Variants in ZNF789 observed in about 807,000 individuals in gnomAD.
ZNF789 encodes the protein zinc finger protein 789.
ZNF789 carries 11 observed loss-of-function variants against 15.6 expected under a neutral mutation model. The ratio of observed to expected loss-of-function variants is 0.70; its 90% CI spans 0.44 to 1.16. The LOEUF is 1.16. Among genes scored for constraint, ZNF789 ranks in the 50% most tolerant of loss-of-function variants. The pLI is 0.00. For synonymous variants in ZNF789, 159 were observed against 176.0 expected (o/e 0.90, Z 0.76); for missense variants, 461 against 512.6 (o/e 0.90, Z 0.97).
Position 99,485,553 on chromosome 7 carries a change from C to T in ZNF789, c.266-923C>T, listed in dbSNP as rs750327926. On this transcript the variant is annotated intron_variant, in intron 4 of 4. Transcript: ENST00000331410. ...AGTTATTAAAAACGTGTATCTAGGC[C>T]GGGTGCCGTGGCTCACACCTGTAAT... Among the ~76,000 whole-genome samples, 33 of 152,142 alleles carry T rather than the reference C, an allele frequency of 2.2e-4. 1 individual carries two copies. The highest frequency in any genetic ancestry group is 2.1e-4 in the South Asian group (1 of 4,834).
Position 99,476,441 on chromosome 7 carries a change from C to A in ZNF789, c.-16C>A. 1.9e-6 allele frequency: 3 copies of A among 1,609,526 alleles called. No individual in the cohort carries two copies. The highest frequency in any genetic ancestry group is 1.7e-6 in the Non-Finnish European group (2 of 1,178,342). On this transcript the variant is annotated 5_prime_UTR_variant, in exon 2 of 5. Transcript: ENST00000331410. ...CCAGGATCCCACCCCTTGCAAAAGA[C>A]CAGGCCGTGGAAGCCATGTTCCCAC...
intron 3 of ZNF789, among the ~76,000 whole-genome samples, chr7:99,483,087 G>A (rs1799733705): frequency 1.4e-5 from 2 of 146,538 alleles, no homozygotes; most frequent in East Asian, 4.3e-4. Context: ...AAAATTAGCT[G>A]GGCGTGGTGG....
intron 4 of ZNF789, among the ~76,000 whole-genome samples, 158 bp downstream of exon 4, chr7:99,484,301 C>T (rs1340001775): frequency 1.3e-5 from 2 of 152,188 alleles, no homozygotes; most frequent in Non-Finnish European, 2.9e-5. Flanking sequence ...GGAAGATCGG[C>T]GTCCCCATTT....
intron 3 of ZNF789, chr7:99,481,637 A>G (rs1799634171): frequency 6.4e-6 from 1 of 156,868 alleles, no homozygotes; most frequent in African/African-American, 2.4e-5. Context: ...TTGTATTTTT[A>G]GTAGAGACGG....
At chr7:99,479,891 C>T (rs766882711) in intron 3 of ZNF789, 104 bp downstream of exon 3, 364 of 1,448,524 alleles carry the variant, frequency 2.5e-4, no homozygotes, top group Non-Finnish European at 3.2e-4. Context: ...CGGTGAAAAC[C>T]GAAAGGTTTT....
chr7:99,482,861 T>TA lies in ZNF789; in HGVS notation c.152-1161dup, dbSNP rs568493893. ...CAAGAGCAAAACTCTGTCTCAAAAA[T>TA]AAAAAAAATTTGGATCATGCTATAT... On this transcript the variant is annotated intron_variant, in intron 3 of 4. Transcript: ENST00000331410. Among the ~76,000 whole-genome samples, 30 of 151,652 alleles carry TA rather than the reference T, an allele frequency of 2.0e-4. 1 individual carries two copies. Among genetic ancestry groups the TA allele is most frequent in the African/African-American group, 7.0e-4 (29 of 41,390 alleles).
chr7:99,481,432 G>A (rs1050576228), intron 3 of ZNF789: 9 of 151,860 alleles, frequency 5.9e-5, no homozygotes, highest in Admixed American at 5.3e-4. Context: ...GTACTGTTTT[G>A]CATATCCAAT....
chr7:99,478,221 A>G (rs370787257), intron 2 of ZNF789: 36 of 1,234,602 alleles, frequency 2.9e-5, no homozygotes, highest in African/African-American at 2.5e-4. Flanking sequence ...CCATGCCACA[A>G]TGACTCTGGG....
intron 2 of ZNF789, among the ~76,000 whole-genome samples, chr7:99,477,981 C>CA (rs1562881922): frequency 6.6e-6 from 1 of 152,008 alleles, no homozygotes; most frequent in African/African-American, 2.4e-5. Context: ...CCCAAACAAA[C>CA]AAAAAATGGA....
chr7:99,473,265 C>T (rs373755257), intron 1 of ZNF789, among the ~76,000 whole-genome samples: 1 of 152,110 alleles, frequency 6.6e-6, no homozygotes, highest in African/African-American at 2.4e-5. Flanking sequence ...AACGCCTGGA[C>T]TTGGTTTTGT....
rs890519751 is a variant in ZNF789 at position 99,482,414 on chromosome 7, G to A, written c.152-1616G>A. The A allele has an allele frequency of 2.0e-5, 12 of 601,670 alleles. No individual in the cohort carries two copies. The African/African-American group carries it at 2.2e-4, about 11-fold the overall frequency. 37.3% of individuals were successfully genotyped at this position (601,670 alleles called of 1,614,324 possible). A position where few individuals can be genotyped will look rare whatever the true frequency, so the allele number is the denominator to read the frequency against. On this transcript the variant is annotated intron_variant, in intron 3 of 4. Transcript: ENST00000331410. ...GTTTTGACTGCCACTGGTCACGTGAGGTCAGGTGTGGAACTCTCCACTTTT... is the reference window on the plus strand; with the variant it reads ...GTTTTGACTGCCACTGGTCACGTGAAGTCAGGTGTGGAACTCTCCACTTTT...
intron 3 of ZNF789, chr7:99,483,789 C>T: frequency 1.3e-6 from 1 of 781,030 alleles, no homozygotes; most frequent in Non-Finnish European, 2.4e-6. Flanking sequence ...GTCTCTGGCA[C>T]ATTCATCTTG....
At chr7:99,474,463 G>A (rs1166738315) in intron 1 of ZNF789, among the ~76,000 whole-genome samples, 5 of 152,150 alleles carry the variant, frequency 3.3e-5, no homozygotes, top group South Asian at 2.1e-4. Context: ...GCGTGGTGGC[G>A]GGCGCCTGTA....
At chr7:99,480,116 A>G in intron 3 of ZNF789, 1 of 327,952 alleles carries the variant, frequency 3.0e-6, no homozygotes, top group Non-Finnish European at 5.5e-6. Context: ...ACATGAGGTC[A>G]GTAGTTTGAG....
intron 4 of ZNF789, among the ~76,000 whole-genome samples, chr7:99,486,110 G>A (rs916203318): frequency 6.6e-6 from 1 of 152,174 alleles, no homozygotes; most frequent in Non-Finnish European, 1.5e-5. Flanking sequence ...CTGAGGTCAG[G>A]GGTTCGAGAC....
chr7:99,473,633 G>A (rs1799141808), intron 1 of ZNF789, among the ~76,000 whole-genome samples: 1 of 152,122 alleles, frequency 6.6e-6, no homozygotes, highest in Non-Finnish European at 1.5e-5. Flanking sequence ...TGTTGCTGTT[G>A]TGTTTGAGAC....
intron 1 of ZNF789, among the ~76,000 whole-genome samples, chr7:99,474,609 A>T (rs974550516): frequency 6.6e-6 from 1 of 151,136 alleles, no homozygotes; most frequent in African/African-American, 2.4e-5. Context: ...AAAAAAAAAG[A>T]AAGTTTACGA....
chr7:99,483,284 C>T (rs920708013), intron 3 of ZNF789, among the ~76,000 whole-genome samples: 5 of 151,480 alleles, frequency 3.3e-5, no homozygotes, highest in Admixed American at 6.6e-5. Flanking sequence ...CGGGTGGGGG[C>T]GACAGAGCAG....
chr7:99,475,062 G>C (rs1004513289), intron 1 of ZNF789, among the ~76,000 whole-genome samples: 1 of 152,112 alleles, frequency 6.6e-6, no homozygotes, highest in Non-Finnish European at 1.5e-5. Flanking sequence ...CCATTAAAAT[G>C]AAAGTGAATT....
Sources: gnomAD v4.1 joint callset for allele counts (sites outside exome capture counted in the v4.1 genomes callset) on GRCh38, gnomAD v4.1.1 for gene constraint, MANE v1.5 for transcripts, NCBI Gene and HGNC (gene_info 2026-07-23, HGNC 2026-07-21) for gene names.